The following SEMA6D variants were observed in gnomAD, a reference collection of about 807,000 sequenced individuals.
SEMA6D encodes the protein semaphorin 6D, also known as semaphorin-6D.
In SEMA6D, 35 loss-of-function variants were observed where a neutral mutation model predicts 106.6. The ratio of observed to expected loss-of-function variants is 0.33; its 90% CI spans 0.25 to 0.44. The LOEUF (loss-of-function observed/expected upper bound fraction) is 0.44, where lower values mean the gene tolerates loss of function less well. SEMA6D is among the 20% of genes least tolerant of loss of function. The pLI, the probability that SEMA6D is intolerant of heterozygous loss-of-function variation, is 1.00. For synonymous variants in SEMA6D, 499 were observed against 487.7 expected (o/e 1.02, Z -0.31); for missense variants, 1,185 against 1,345.9 (o/e 0.88, Z 1.87).
chr15:47,484,120 T>C (rs1300839488), intron 3 of SEMA6D, among the ~76,000 whole-genome samples: 19 of 152,182 alleles, frequency 1.2e-4, no homozygotes, highest in Admixed American at 1.2e-3. Flanking sequence ...ACAGGAGGGC[T>C]CCCTTCTCTC....
intron 3 of SEMA6D, among the ~76,000 whole-genome samples, chr15:47,553,383 G>A (rs1320673908): frequency 6.6e-6 from 1 of 152,052 alleles, no homozygotes; most frequent in African/African-American, 2.4e-5. Flanking sequence ...CTGTAAAATT[G>A]TTTTCTAAAG....
At chr15:47,695,531 C>T (rs2078680978) in intron 4 of SEMA6D, among the ~76,000 whole-genome samples, 1 of 152,044 alleles carries the variant, frequency 6.6e-6, no homozygotes. Context: ...CACACGAACA[C>T]ATGCACACAC....
intron 2 of SEMA6D, among the ~76,000 whole-genome samples, chr15:47,458,888 C>G (rs1207754101): frequency 6.6e-6 from 1 of 151,908 alleles, no homozygotes; most frequent in African/African-American, 2.4e-5. Flanking sequence ...AATAAATAAA[C>G]TATTAATAAA....
At chr15:47,493,934 A>C (rs981477316) in intron 3 of SEMA6D, among the ~76,000 whole-genome samples, 1 of 152,178 alleles carries the variant, frequency 6.6e-6, no homozygotes, top group Admixed American at 6.5e-5. Flanking sequence ...AATTGAATAA[A>C]ATCTGCAGTG....
intron 13 of SEMA6D, chr15:47,765,590 T>C: frequency 1.8e-6 from 1 of 541,188 alleles, no homozygotes; most frequent in Non-Finnish European, 2.6e-6. Flanking sequence ...AGCACGATCC[T>C]TTTTATTTCT....
chr15:47,704,979 A>G (rs1010056537), intron 4 of SEMA6D, among the ~76,000 whole-genome samples: 1 of 152,204 alleles, frequency 6.6e-6, no homozygotes, highest in Non-Finnish European at 1.5e-5. Context: ...CTATAATAGT[A>G]AAAATACATT....
At chr15:47,588,716 G>C (rs1255193829) in intron 3 of SEMA6D, among the ~76,000 whole-genome samples, 1 of 152,192 alleles carries the variant, frequency 6.6e-6, no homozygotes. Flanking sequence ...AATTTAGAGA[G>C]TGGGAGTAGG....
chr15:47,379,603 A>T (rs540135374), intron 1 of SEMA6D, among the ~76,000 whole-genome samples: 1 of 152,250 alleles, frequency 6.6e-6, no homozygotes, highest in Non-Finnish European at 1.5e-5. Context: ...GATGAGATTA[A>T]TCAGAGAAGT....
chr15:47,205,101 T>G (rs191363496), intron 1 of SEMA6D, among the ~76,000 whole-genome samples: 1 of 152,292 alleles, frequency 6.6e-6, no homozygotes, highest in East Asian at 1.9e-4. Flanking sequence ...TTGCAAAACT[T>G]TCTGCCTCTG....
intron 2 of SEMA6D, among the ~76,000 whole-genome samples, chr15:47,430,319 G>A (rs1255415069): frequency 6.6e-6 from 1 of 151,966 alleles, no homozygotes; most frequent in Non-Finnish European, 1.5e-5. Flanking sequence ...TTTCCTTGGG[G>A]ACCATTTTTA....
chr15:47,262,993 G>T (rs1024317015), intron 1 of SEMA6D, among the ~76,000 whole-genome samples: 10 of 137,412 alleles, frequency 7.3e-5, no homozygotes, highest in African/African-American at 2.0e-4. Context: ...CTAGCTAGCT[G>T]TATGCAGAAG....
At chr15:47,683,412 A>T (rs548834159) in intron 4 of SEMA6D, among the ~76,000 whole-genome samples, 1 of 152,320 alleles carries the variant, frequency 6.6e-6, no homozygotes, top group Non-Finnish European at 1.5e-5. Context: ...ATGTCTGCAC[A>T]TATTTTTATG....
intron 3 of SEMA6D, among the ~76,000 whole-genome samples, chr15:47,540,258 G>A (rs2045313928): frequency 2.6e-5 from 4 of 152,022 alleles, no homozygotes; most frequent in South Asian, 2.1e-4. Context: ...ACATATAAAC[G>A]AGATTTGCCT....
chr15:47,654,289 C>T (rs1278696662), intron 4 of SEMA6D, among the ~76,000 whole-genome samples: 4 of 152,164 alleles, frequency 2.6e-5, no homozygotes, highest in East Asian at 1.9e-4. Flanking sequence ...GTCAAAAATC[C>T]ATGTATAACT....
chr15:47,438,920 G>A (rs1212344531), intron 2 of SEMA6D, among the ~76,000 whole-genome samples: 1 of 151,980 alleles, frequency 6.6e-6, no homozygotes, highest in Non-Finnish European at 1.5e-5. Flanking sequence ...GTGAACAAAT[G>A]AATTTTATAC....
At chr15:47,393,637 A>G (rs1361347627) in intron 1 of SEMA6D, among the ~76,000 whole-genome samples, 1 of 152,168 alleles carries the variant, frequency 6.6e-6, no homozygotes, top group Non-Finnish European at 1.5e-5. Flanking sequence ...TAATCATGGG[A>G]TTTGTGTTAC....
In SEMA6D at chr15:47,773,372, G is replaced by A. The variant is rs1567131798; in HGVS notation, c.*1587G>A. 6.6e-6 allele frequency: 1 copy of A among 152,618 alleles called. No individual in the cohort carries two copies. Among genetic ancestry groups the A allele is most frequent in the African/African-American group, 2.4e-5 (1 of 41,432 alleles). 9.5% of individuals were successfully genotyped at this position (152,618 alleles called of 1,614,324 possible). On this transcript the variant is annotated 3_prime_UTR_variant, in exon 19 of 19. Transcript: ENST00000536845. ...ATGTGACACCTGCAGAAACTATAGAGCGTCATTTATACGTAGTTTGGCAGA... is the reference window on the plus strand; with the variant it reads ...ATGTGACACCTGCAGAAACTATAGAACGTCATTTATACGTAGTTTGGCAGA...
intron 3 of SEMA6D, among the ~76,000 whole-genome samples, chr15:47,536,896 TA>T (rs1195907312): frequency 6.6e-6 from 1 of 152,206 alleles, no homozygotes; most frequent in Non-Finnish European, 1.5e-5. Context: ...TTTCTCCATG[TA>T]AAAATACTTC....
At chr15:47,620,974 TGAA>T (rs761957148) in intron 4 of SEMA6D, among the ~76,000 whole-genome samples, 3 of 151,696 alleles carry the variant, frequency 2.0e-5, no homozygotes, top group East Asian at 1.9e-4. Flanking sequence ...AGATCCCTAA[TGAA>T]GAAGAAGAAC....
Sources: gnomAD v4.1 joint callset for allele counts (sites outside exome capture counted in the v4.1 genomes callset) on GRCh38, gnomAD v4.1.1 for gene constraint, MANE v1.5 for transcripts, NCBI Gene and HGNC (gene_info 2026-07-23, HGNC 2026-07-21) for gene names.